The following PRDM2 variants were observed in gnomAD, a reference collection of about 807,000 sequenced individuals.
PRDM2 encodes the protein PR domain zinc finger protein 2.
In PRDM2, 30 loss-of-function variants were observed where a neutral mutation model predicts 130.0. The observed-to-expected ratio is 0.23, with a 90% CI of 0.17 to 0.31. PRDM2 has a LOEUF of 0.31. Among genes scored for constraint, PRDM2 ranks in the 10% least tolerant of loss-of-function variants. The probability of loss-of-function intolerance (pLI) is 1.00; values close to 1 mark genes in which losing one functional copy is unlikely to be tolerated. For missense variants in PRDM2, 2,011 were observed against 2,108.4 expected (o/e 0.95, Z 0.90); for synonymous variants, 871 against 782.4 (o/e 1.11, Z -1.89).
intron 7 of PRDM2, among the ~76,000 whole-genome samples, chr1:13,775,686 C>T (rs1031454961): frequency 2.0e-5 from 3 of 152,154 alleles, no homozygotes; most frequent in Non-Finnish European, 4.4e-5. Context: ...GACCTCTTCC[C>T]CACTGTATCC....
chr1:13,749,446 C>A lies in PRDM2; in HGVS notation c.470C>A (p.Ala157Asp). 6.6e-7 allele frequency: 1 copy of A among 1,509,918 alleles called. No homozygotes were observed. Among genetic ancestry groups the A allele is most frequent in the Non-Finnish European group, 9.0e-7 (1 of 1,117,166 alleles). 93.5% of individuals were successfully genotyped at this position (1,509,918 alleles called of 1,614,324 possible). Residue 157 changes from alanine (A) to aspartate (D), a missense_variant, in exon 6 of 10, where the codon GCC (alanine) becomes GAC (aspartate). Transcript: ENST00000311066. ...EIAAAIEEER[A>D]SARSKRSSPK... ...GCAGCTGCGATTGAGGAAGAGCGAG[C>A]CAGCGCCCGGAGCAAGCGGAGCTCC...
At chr1:13,714,024 A>C (rs938308576) in intron 1 of PRDM2, among the ~76,000 whole-genome samples, 1 of 152,072 alleles carries the variant, frequency 6.6e-6, no homozygotes, top group Admixed American at 6.5e-5. Context: ...GCCTGCCACC[A>C]CACCCAGCTA....
intron 6 of PRDM2, chr1:13,770,357 G>T (rs754204667): frequency 8.2e-6 from 4 of 488,468 alleles, no homozygotes; most frequent in Admixed American, 6.2e-5. Flanking sequence ...TTCATTTTGA[G>T]TGCATCTTAA....
At chr1:13,706,229 C>A (rs928807790) in intron 1 of PRDM2, among the ~76,000 whole-genome samples, 1 of 152,138 alleles carries the variant, frequency 6.6e-6, no homozygotes, top group Admixed American at 6.5e-5. Context: ...CAATTCAAAC[C>A]CTAATTGCCT....
intron 8 of PRDM2, among the ~76,000 whole-genome samples, chr1:13,795,536 C>T (rs1014494224): frequency 6.6e-6 from 1 of 152,214 alleles, no homozygotes; most frequent in African/African-American, 2.4e-5. Context: ...CTTCTAGTGG[C>T]ATGGCCTTTA....
At chr1:13,750,887 T>A (rs549815756) in intron 6 of PRDM2, among the ~76,000 whole-genome samples, 28 of 152,310 alleles carry the variant, frequency 1.8e-4, no homozygotes, top group South Asian at 1.2e-3. Flanking sequence ...GTTTCTTTAT[T>A]TAGTATTCAT....
intron 4 of PRDM2, among the ~76,000 whole-genome samples, chr1:13,740,119 T>G (rs187283367): frequency 1.2e-3 from 188 of 152,358 alleles, no homozygotes; most frequent in Non-Finnish European, 2.1e-3. Flanking sequence ...AAATGAGTTA[T>G]GTATGAATAA....
At chr1:13,742,930 A>G (rs1643490804) in intron 5 of PRDM2, among the ~76,000 whole-genome samples, 1 of 151,806 alleles carries the variant, frequency 6.6e-6, no homozygotes, top group Non-Finnish European at 1.5e-5. Context: ...TTTCTGCCAA[A>G]TTTTTCTTTG....
rs1645065602 is a variant in PRDM2 at position 13,804,968 on chromosome 1, G to A, written c.5037-11459G>A. ...ACTATGGGGACTGTGTCAGGGAGTGGGGCATGGGCTTTGGTGTCAAATGGT... is the reference window on the plus strand; with the variant it reads ...ACTATGGGGACTGTGTCAGGGAGTGAGGCATGGGCTTTGGTGTCAAATGGT... On this transcript the variant is annotated intron_variant, in intron 8 of 9. Transcript: ENST00000311066. Among the ~76,000 whole-genome samples the A allele has an allele frequency of 2.0e-5, 3 of 152,168 alleles. No individual in the cohort carries two copies. In the South Asian group the frequency reaches 6.2e-4, roughly 32 times the overall value.
At chr1:13,772,616 C>T (rs1221229116) in intron 6 of PRDM2, among the ~76,000 whole-genome samples, 1 of 152,214 alleles carries the variant, frequency 6.6e-6, no homozygotes, top group African/African-American at 2.4e-5. Flanking sequence ...TGTTTTGCTT[C>T]CAACAATTAT....
At chr1:13,729,818 T>C (rs780473067) in intron 2 of PRDM2, among the ~76,000 whole-genome samples, 4 of 152,162 alleles carry the variant, frequency 2.6e-5, no homozygotes, top group Non-Finnish European at 5.9e-5. Flanking sequence ...TGCCCTCTCT[T>C]GGGCTCTCGA....
rs1377897878 is a variant in PRDM2, at chr1:13,806,481, C to T, written c.5037-9946C>T. Among the ~76,000 whole-genome samples the T allele has an allele frequency of 1.3e-5, 2 of 152,170 alleles. No homozygotes were observed. Among genetic ancestry groups the T allele is most frequent in the Admixed American group, 6.5e-5 (1 of 15,286 alleles). ...AAAATGAAACTGTCTCTCCATGAAG[C>T]CTCCCTCTCCTGCTGTCCTCCCTAT... On this transcript the variant is annotated intron_variant, in intron 8 of 9. Coordinates refer to ENST00000311066, the MANE Select transcript of PRDM2 (RefSeq NM_001393986.1). This position sits in a 1 kb window ranked among gnomAD's most constrained non-coding sequence, Gnocchi z 4.1.
intron 8 of PRDM2, among the ~76,000 whole-genome samples, chr1:13,814,508 G>A (rs1034537854): frequency 1.6e-4 from 24 of 152,298 alleles, no homozygotes; most frequent in African/African-American, 4.1e-4. Context: ...TATTGATTGA[G>A]GGCTCCCTTG....
chr1:13,778,312 T>G, intron 7 of PRDM2, 106 bp from the exon 8 acceptor site: 1 of 1,154,822 alleles, frequency 8.7e-7, no homozygotes, highest in Non-Finnish European at 1.2e-6. Context: ...TCATCTCCCT[T>G]ATGTTTTAGG....
At chr1:13,726,914 G>A (rs768271244) in intron 2 of PRDM2, among the ~76,000 whole-genome samples, 20 of 152,128 alleles carry the variant, frequency 1.3e-4, no homozygotes, top group Non-Finnish European at 2.6e-4. Flanking sequence ...ACTGGGAGAC[G>A]CCAGCAGCTG....
intron 2 of PRDM2, among the ~76,000 whole-genome samples, chr1:13,729,214 C>T (rs10489151): frequency 0.19 from 29,190 of 152,072 alleles, 3,576 homozygotes; most frequent in South Asian, 0.34. Flanking sequence ...TCAGTAAATA[C>T]GAAGTTGTCA....
At chr1:13,778,292 T>C in intron 7 of PRDM2, 126 bp from the exon 8 acceptor site, 3 of 970,880 alleles carry the variant, frequency 3.1e-6, no homozygotes, top group Non-Finnish European at 4.6e-6. Flanking sequence ...AAGTAATTTA[T>C]TGTTCATCAT....
At chr1:13,808,861 G>A (rs966463759) in intron 8 of PRDM2, among the ~76,000 whole-genome samples, 6 of 152,186 alleles carry the variant, frequency 3.9e-5, no homozygotes, top group South Asian at 2.1e-4. Flanking sequence ...TGTGGGGGCC[G>A]GTGTGGGAAC....
At position 13,781,191 on chromosome 1, in the gene PRDM2, A is replaced by C. The variant is rs1644605914; in HGVS notation, c.3396A>C (p.Lys1132Asn). The part of the protein sequence containing the change: ...QDVVVQETFN[K>N]NFVCNVCESP... The stretch of plus-strand genomic sequence containing the variant: ...TTGTTGTTCAGGAAACATTCAACAA[A>C]AACTTTGTTTGCAACGTCTGTGAAT... The change falls in exon 8 of 10, where the codon AAA (lysine) becomes AAC (asparagine). Residue 1132 changes from lysine to asparagine, a missense_variant. By Grantham distance (94) the Lys-to-Asn change is moderately conservative. Around this residue, in one of 5 missense-constraint regions of PRDM2, gnomAD observed 229 missense variants for 364.1 expected, o/e 0.63. Coordinates refer to ENST00000311066, the MANE Select transcript of PRDM2 (RefSeq NM_001393986.1). The surrounding 1 kb of genome is among the most constrained non-coding windows in gnomAD (Gnocchi z 6.1). The C allele has an allele frequency of 5.6e-6, 9 of 1,614,114 alleles. No individual in the cohort carries two copies. The highest frequency in any genetic ancestry group is 7.6e-6 in the Non-Finnish European group (9 of 1,180,048).
Sources: allele counts gnomAD v4.1 joint callset (sites outside exome capture counted in the v4.1 genomes callset), GRCh38; gene constraint gnomAD v4.1.1; regional missense constraint gnomAD v4.1.1; non-coding constraint Gnocchi (gnomAD v3.1); transcripts MANE v1.5; gene names NCBI Gene and HGNC (gene_info 2026-07-23, HGNC 2026-07-21).